The following CRYBG3 variants were observed in gnomAD, a reference collection of about 807,000 sequenced individuals.
CRYBG3 encodes very large A-kinase anchor protein.
In CRYBG3, 127 loss-of-function variants were observed where a neutral mutation model predicts 244.2. That is an observed-to-expected ratio of 0.52 (90% CI 0.45 to 0.60). The LOEUF (loss-of-function observed/expected upper bound fraction) is 0.60. Among genes scored for constraint, CRYBG3 ranks in the 20% least tolerant of loss-of-function variants. The probability of loss-of-function intolerance (pLI) is 0.00; values close to 1 mark genes in which losing one functional copy is unlikely to be tolerated. For missense variants in CRYBG3, 3,325 were observed against 3,442.5 expected, an observed-to-expected ratio of 0.97 and a Z score of 0.85; for synonymous variants, 1,132 against 1,195.8, an observed-to-expected ratio of 0.95 and a Z score of 1.10.
rs1410209133 is a variant in CRYBG3, at chr3:97,873,312, A to G, written c.2118A>G (p.Lys706=). Residue 706 remains lysine, a synonymous_variant, in exon 4 of 22, where the codon AAA becomes AAG. Transcript: ENST00000389622. ...GGAAGTGTAAAGAAGAAAATGTGAA[A>G]AACCATGTTGAGGCTGCAGGCAGGA... is the stretch of plus-strand genomic sequence containing the variant. ...QPRKCKEENV[K]NHVEAAGRKS... The G allele has an allele frequency of 3.9e-6, 6 of 1,535,780 alleles. No individual in the cohort carries two copies. The highest frequency in any genetic ancestry group is 4.4e-6 in the Non-Finnish European group (5 of 1,146,776).
chr3:97,940,006 T>G (rs2040207701), intron 19 of CRYBG3, among the ~76,000 whole-genome samples: 1 of 152,044 alleles, frequency 6.6e-6, no homozygotes, highest in South Asian at 2.1e-4. Context: ...CCTATTGCAT[T>G]TACCTAAGCA....
chr3:97,896,971 G>C (rs907915525), intron 12 of CRYBG3, among the ~76,000 whole-genome samples: 3 of 151,812 alleles, frequency 2.0e-5, no homozygotes, highest in African/African-American at 7.3e-5. Flanking sequence ...ATATTGAGTA[G>C]TTATTTTTAT....
chr3:97,908,198 T>C (rs2039801362), intron 15 of CRYBG3, among the ~76,000 whole-genome samples: 1 of 152,156 alleles, frequency 6.6e-6, no homozygotes, highest in Non-Finnish European at 1.5e-5. Context: ...AGGTGTGTTG[T>C]GGTGCTGAAA....
chr3:97,929,766 C>T (rs1481047749), intron 17 of CRYBG3, among the ~76,000 whole-genome samples: 3 of 151,964 alleles, frequency 2.0e-5, no homozygotes, highest in Non-Finnish European at 4.4e-5. Context: ...AGTACCCTTA[C>T]TAATTTATAT....
At position 97,872,804 on chromosome 3, in the gene CRYBG3, G is replaced by A. The variant is rs1270345451; in HGVS notation, c.1610G>A (p.Gly537Asp). Residue 537 changes from glycine (G) to aspartate (D), a missense_variant, in exon 4 of 22, where the codon GGT becomes GAT. Physicochemically the swap from Gly to Asp is moderately conservative, Grantham distance 94. Transcript: ENST00000389622. ...CGAGAAACAGAAAGTGCCTCAGCTG[G>A]TGAATCCATAGCTTCAAGTCATGTA... ...IRRETESASA[G>D]ESIASSHVKA... The A allele has an allele frequency of 6.5e-7, 1 of 1,535,820 alleles. No individual in the cohort carries two copies. Among genetic ancestry groups the A allele is most frequent in the Admixed American group, 2.0e-5 (1 of 50,954 alleles).
chr3:97,844,017 TG>T (rs1201876847), intron 2 of CRYBG3, among the ~76,000 whole-genome samples: 4 of 152,284 alleles, frequency 2.6e-5, no homozygotes, highest in African/African-American at 9.6e-5. Context: ...TAAATTAGCT[TG>T]GTCAGTAGAA....
At chr3:97,940,224 T>C (rs1161629447) in intron 19 of CRYBG3, among the ~76,000 whole-genome samples, 1 of 151,990 alleles carries the variant, frequency 6.6e-6, no homozygotes. Context: ...CCCTGCTCTT[T>C]CATTGTCCTA....
rs1453015348 is a variant in CRYBG3 at position 97,822,498 on chromosome 3, A to G, written c.149+143A>G. 16 of 763,916 alleles carry G rather than the reference A, an allele frequency of 2.1e-5. No individual in the cohort carries two copies. In the Admixed American group the frequency reaches 4.7e-4, roughly 22 times the overall value. The allele number at this position is 763,916 out of a possible 1,614,324, so 47.3% of individuals were successfully genotyped here. On this transcript the variant is annotated intron_variant, in intron 1 of 21. Transcript: ENST00000389622. ...TTCTGTTCTCCTTCCTCCATTGCTA[A>G]AGTTTCCTCCTCCTTGCCCCGTTCC...
chr3:97,843,327 G>A, intron 2 of CRYBG3, 66 bp downstream of exon 2: 1 of 804,716 alleles, frequency 1.2e-6, no homozygotes, highest in Non-Finnish European at 1.9e-6. Flanking sequence ...AATTCTTTTA[G>A]ATTCTGTCAT....
chr3:97,876,266 A>G lies in CRYBG3; in HGVS notation c.5072A>G (p.Glu1691Gly), dbSNP rs954241094. Residue 1691 changes from glutamate to glycine, a missense_variant, in exon 4 of 22, where the codon GAA (glutamate) becomes GGA (glycine). Transcript: ENST00000389622. ...KTGTIALSEVENIHQKGGEGI... is the reference protein window; with the variant it reads ...KTGTIALSEVGNIHQKGGEGI... ...GGGACGATAGCCTTGTCAGAAGTGG[A>G]AAATATCCACCAAAAAGGTGGTGAA... 28 of 1,232,034 alleles carry G rather than the reference A, an allele frequency of 2.3e-5. 1 individual carries two copies. In the East Asian group the frequency reaches 3.8e-4, roughly 17 times the overall value. The allele number at this position is 1,232,034 out of a possible 1,614,324, so 76.3% of individuals were successfully genotyped here. A position where few individuals can be genotyped will look rare whatever the true frequency, so the allele number is the denominator to read the frequency against.
chr3:97,845,762 C>T (rs2038891916), intron 2 of CRYBG3, among the ~76,000 whole-genome samples: 1 of 152,168 alleles, frequency 6.6e-6, no homozygotes, highest in Non-Finnish European at 1.5e-5. Context: ...ACTATCCCTC[C>T]ATCTTCACTG....
At chr3:97,927,949 G>C (rs573388295) in intron 17 of CRYBG3, among the ~76,000 whole-genome samples, 13 of 152,114 alleles carry the variant, frequency 8.5e-5, no homozygotes, top group Admixed American at 3.3e-4. Context: ...TGTTTACACT[G>C]GTTGTAGGAA....
chr3:97,873,496 C>T lies in CRYBG3; in HGVS notation c.2302C>T (p.Leu768Phe), dbSNP rs530439999. The part of the protein sequence containing the change: ...LELLSFDSGN[L>F]SKDCSSILSQ... Reference sequence around the variant, plus strand: ...GCTATTGAGCTTTGACTCTGGAAACCTCTCTAAGGATTGCAGTTCCATTTT... The same window carrying T: ...GCTATTGAGCTTTGACTCTGGAAACTTCTCTAAGGATTGCAGTTCCATTTT... The change falls in exon 4 of 22, where the codon CTC becomes TTC. Residue 768 changes from leucine to phenylalanine, a missense_variant. By Grantham distance (22) the Leu-to-Phe change is conservative. This residue lies in a region of CRYBG3 where 1,526 missense variants were observed against 1,443.2 expected (regional missense o/e 1.06). Coordinates refer to ENST00000389622, the MANE Select transcript of CRYBG3 (RefSeq NM_153605.4). 349 of 1,535,972 alleles carry T rather than the reference C, an allele frequency of 2.3e-4. 3 individuals carry two copies. In the South Asian group the frequency reaches 3.5e-3, roughly 15 times the overall value.
intron 1 of CRYBG3, among the ~76,000 whole-genome samples, chr3:97,830,384 A>G (rs1457141864): frequency 6.6e-6 from 1 of 152,060 alleles, no homozygotes; most frequent in Non-Finnish European, 1.5e-5. Context: ...TGTATCATCT[A>G]GTAGTTCCCA....
At chr3:97,900,975 G>T (rs1008601846) in intron 15 of CRYBG3, among the ~76,000 whole-genome samples, 1 of 152,122 alleles carries the variant, frequency 6.6e-6, no homozygotes, top group African/African-American at 2.4e-5. Flanking sequence ...ACAATACTTT[G>T]GAGCCCAACA....
In CRYBG3 at chr3:97,877,141, G is replaced by T; in HGVS notation, c.5947G>T (p.Gly1983Ter). ...GAGAGAGACAGATTATAGTGACAAAGGATATAATTTAGCTTTTGTTTCTCA... is the reference window on the plus strand; with the variant it reads ...GAGAGAGACAGATTATAGTGACAAATGATATAATTTAGCTTTTGTTTCTCA... ...KRRETDYSDKGYNLAFVSQDE... is the reference protein window; with the variant it reads ...KRRETDYSDK The change falls in exon 4 of 22, where the codon GGA becomes TGA. Residue 1983 changes from glycine (G) to a stop codon, truncating the protein, a stop_gained. Transcript: ENST00000389622. LOFTEE classifies it high-confidence loss of function. 1 of 1,613,694 alleles carries T rather than the reference G, an allele frequency of 6.2e-7. No homozygotes were observed. Among genetic ancestry groups the T allele is most frequent in the Non-Finnish European group, 8.5e-7 (1 of 1,179,710 alleles).
chr3:97,897,104 A>C (rs924820568), intron 12 of CRYBG3, among the ~76,000 whole-genome samples: 23 of 151,956 alleles, frequency 1.5e-4, no homozygotes, highest in Admixed American at 8.5e-4. Flanking sequence ...CCTTAGTTCT[A>C]TACTAGATTA....
chr3:97,872,578 A>G lies in CRYBG3; in HGVS notation c.1384A>G (p.Ile462Val), dbSNP rs1191453550. The change falls in exon 4 of 22, where the codon ATT (isoleucine) becomes GTT (valine). Residue 462 changes from isoleucine to valine, a missense_variant. Around this residue, in one of 4 missense-constraint regions of CRYBG3, gnomAD observed 1,526 missense variants for 1,443.2 expected, o/e 1.06. Transcript: ENST00000389622. ...AAATTTGCCAAGTCCAAATAAATCA[A>G]TTAGGCATGAACATCTGCAGTTGCC... The part of the protein sequence containing the change: ...STNLPSPNKS[I>V]RHEHLQLPES... The G allele has an allele frequency of 1.5e-5, 23 of 1,535,904 alleles. No individual in the cohort carries two copies. The highest frequency in any genetic ancestry group is 6.8e-5 in the African/African-American group (5 of 73,036).
chr3:97,940,863 C>T (rs1266340317), intron 19 of CRYBG3, among the ~76,000 whole-genome samples: 1 of 151,884 alleles, frequency 6.6e-6, no homozygotes, highest in Non-Finnish European at 1.5e-5. Flanking sequence ...TCTTTACCAC[C>T]CCACTCCTCA....
Sources: gnomAD v4.1 joint callset for allele counts (sites outside exome capture counted in the v4.1 genomes callset) on GRCh38, gnomAD v4.1.1 for gene constraint, gnomAD v4.1.1 regional missense constraint, MANE v1.5 for transcripts, NCBI Gene and HGNC (gene_info 2026-07-23, HGNC 2026-07-21) for gene names.